The following LRP1B variants were observed in gnomAD, a reference collection of about 807,000 sequenced individuals.
LRP1B encodes LDL receptor related protein 1B, also known as low-density lipoprotein receptor-related protein 1B.
In LRP1B, 217 loss-of-function variants were observed where a neutral mutation model predicts 556.6. The observed-to-expected ratio is 0.39, with a 90% CI of 0.35 to 0.44. The LOEUF (loss-of-function observed/expected upper bound fraction) is 0.44. LRP1B is among the 20% of genes least tolerant of loss of function. The probability of loss-of-function intolerance (pLI) is 1.00; values close to 1 mark genes in which losing one functional copy is unlikely to be tolerated. For synonymous variants in LRP1B, 2,047 were observed against 1,865.8 expected (o/e 1.10, Z -2.50); for missense variants, 5,053 against 5,620.8 (o/e 0.90, Z 3.23).
intron 10 of LRP1B, among the ~76,000 whole-genome samples, chr2:141,050,031 T>A (rs918861740): frequency 6.6e-6 from 1 of 151,984 alleles, no homozygotes; most frequent in Admixed American, 6.6e-5. Flanking sequence ...ATCTTATACT[T>A]GGTTAACTGT....
chr2:140,640,842 A>G (rs6708024), intron 41 of LRP1B, among the ~76,000 whole-genome samples: 33,129 of 148,724 alleles, frequency 0.22, 3,603 homozygotes, highest in African/African-American at 0.25. Flanking sequence ...ACACAGGCTC[A>G]GTAAGTATTT....
intron 21 of LRP1B, among the ~76,000 whole-genome samples, chr2:140,918,220 A>T (rs1300074381): frequency 6.7e-6 from 1 of 149,238 alleles, no homozygotes; most frequent in African/African-American, 2.5e-5. Context: ...GTGTGTGTGT[A>T]GAGAATGCTT....
chr2:142,080,138 T>A (rs1438000243), intron 1 of LRP1B, among the ~76,000 whole-genome samples: 1 of 152,080 alleles, frequency 6.6e-6, no homozygotes, highest in Non-Finnish European at 1.5e-5. Flanking sequence ...GACATAAAAT[T>A]CACAACTGCA....
intron 2 of LRP1B, among the ~76,000 whole-genome samples, chr2:141,772,757 G>A (rs1448168888): frequency 6.6e-6 from 1 of 152,198 alleles, no homozygotes; most frequent in Non-Finnish European, 1.5e-5. Flanking sequence ...GGAATGTTTG[G>A]TGGGATTCTG....
chr2:140,628,711 G>A (rs1574162179), intron 41 of LRP1B, among the ~76,000 whole-genome samples: 3 of 152,090 alleles, frequency 2.0e-5, no homozygotes, highest in East Asian at 3.9e-4. Flanking sequence ...GTATATTATG[G>A]TTAGGATTTG....
intron 1 of LRP1B, among the ~76,000 whole-genome samples, chr2:142,128,958 A>G (rs1464135719): frequency 2.0e-5 from 3 of 152,282 alleles, no homozygotes; most frequent in Admixed American, 1.3e-4. Flanking sequence ...TTCTATCCTC[A>G]TAAATGTATA....
At chr2:140,691,759 G>A (rs1383213690) in intron 41 of LRP1B, among the ~76,000 whole-genome samples, 1 of 152,070 alleles carries the variant, frequency 6.6e-6, no homozygotes, top group African/African-American at 2.4e-5. Context: ...ATATGTATGA[G>A]ATTTGACCAA....
intron 3 of LRP1B, among the ~76,000 whole-genome samples, chr2:141,325,186 A>T (rs1460921685): frequency 2.0e-5 from 3 of 149,168 alleles, no homozygotes; most frequent in South Asian, 4.2e-4. Context: ...TAGGGCTAAT[A>T]CCACAATCTG....
chr2:141,006,776 T>C (rs987142529), intron 14 of LRP1B, among the ~76,000 whole-genome samples: 1 of 152,024 alleles, frequency 6.6e-6, no homozygotes, highest in Non-Finnish European at 1.5e-5. Flanking sequence ...GTACATAGCA[T>C]GCTACGGTAC....
At chr2:141,053,771 C>A (rs1228045273) in intron 10 of LRP1B, among the ~76,000 whole-genome samples, 1 of 151,762 alleles carries the variant, frequency 6.6e-6, no homozygotes, top group African/African-American at 2.4e-5. Context: ...CAATTCTGAT[C>A]TTATGTTTTT....
intron 58 of LRP1B, among the ~76,000 whole-genome samples, chr2:140,486,572 C>A (rs1688481660): frequency 6.6e-6 from 1 of 151,184 alleles, no homozygotes; most frequent in Admixed American, 6.6e-5. Flanking sequence ...AATATGCTTT[C>A]AAAAATAGTA....
chr2:140,878,496 T>C (rs1693376682), intron 25 of LRP1B, among the ~76,000 whole-genome samples: 3 of 152,258 alleles, frequency 2.0e-5, no homozygotes, highest in Non-Finnish European at 4.4e-5. Context: ...TAAAATGCCT[T>C]TCTTAAAAAT....
chr2:140,512,110 T>G (rs2104924508), intron 51 of LRP1B, among the ~76,000 whole-genome samples: 1 of 152,312 alleles, frequency 6.6e-6, no homozygotes, highest in Admixed American at 6.5e-5. Context: ...GCAGTCATAA[T>G]AGAAAGAGCC....
At chr2:140,612,559 T>C (rs897600426) in intron 41 of LRP1B, among the ~76,000 whole-genome samples, 1 of 152,136 alleles carries the variant, frequency 6.6e-6, no homozygotes, top group Non-Finnish European at 1.5e-5. Context: ...ATACCTCCTT[T>C]GCGTTTAAGC....
Position 140,233,298 on chromosome 2 carries a change from G to C in LRP1B, c.13688C>G (p.Ala4563Gly), listed in dbSNP as rs2104870922. Residue 4563 changes from alanine (A) to glycine (G), a missense_variant, in exon 91 of 91, where the codon GCA (alanine) becomes GGA (glycine). This residue lies in a region of LRP1B where 551 missense variants were observed against 592.0 expected (regional missense o/e 0.93). Transcript: ENST00000389484. Reference sequence around the variant, plus strand: ...GTTTTGCCCATCCATATATAATTTTGCATATACCGGATTGGAGTAATTTGT... The same window carrying C: ...GTTTTGCCCATCCATATATAATTTTCCATATACCGGATTGGAGTAATTTGT... ...GPTNYSNPVY[A>G]KLYMDGQNCR... The C allele has an allele frequency of 6.2e-7, 1 of 1,600,696 alleles. No individual in the cohort carries two copies. Among genetic ancestry groups the C allele is most frequent in the African/African-American group, 1.3e-5 (1 of 74,152 alleles).
chr2:140,991,821 C>T lies in LRP1B; in HGVS notation c.2645-2164G>A, dbSNP rs60046845. Among the ~76,000 whole-genome samples, 300 of 152,070 alleles carry T rather than the reference C, an allele frequency of 2.0e-3. 2 individuals are homozygous for T. Among genetic ancestry groups the T allele is most frequent in the African/African-American group, 6.6e-3 (274 of 41,524 alleles). ...AGTGCAGTATTGCAGAGGAGAAAAA[C>T]AGGACATGTTTTGGAGATTTATAGT... is the stretch of plus-strand genomic sequence containing the variant. On this transcript the variant is annotated intron_variant, in intron 16 of 90. Transcript: ENST00000389484.
intron 10 of LRP1B, among the ~76,000 whole-genome samples, chr2:141,054,773 A>T (rs1699131199): frequency 6.6e-6 from 1 of 151,970 alleles, no homozygotes; most frequent in South Asian, 2.1e-4. Flanking sequence ...GAGGAGTAGC[A>T]TATTGGTTCA....
chr2:140,237,641 A>G (rs538108554), intron 89 of LRP1B, among the ~76,000 whole-genome samples: 101 of 150,920 alleles, frequency 6.7e-4, no homozygotes, highest in African/African-American at 2.4e-3. Context: ...TAGAAAAGAA[A>G]ATGTCTCACC....
chr2:141,407,550 A>G (rs185133663), intron 3 of LRP1B, among the ~76,000 whole-genome samples: 33 of 152,218 alleles, frequency 2.2e-4, no homozygotes, highest in Admixed American at 1.6e-3. Context: ...CTTGGTGGTA[A>G]GTGAGCACTC....
Sources: allele counts gnomAD v4.1 joint callset (sites outside exome capture counted in the v4.1 genomes callset), GRCh38; gene constraint gnomAD v4.1.1; regional missense constraint gnomAD v4.1.1; transcripts MANE v1.5; gene names NCBI Gene and HGNC (gene_info 2026-07-23, HGNC 2026-07-21).